The following GPM6A variants were observed in gnomAD, a reference collection of about 807,000 sequenced individuals.
GPM6A encodes the protein glycoprotein M6A.
GPM6A carries 7 observed loss-of-function variants against 32.1 expected under a neutral mutation model. The ratio of observed to expected loss-of-function variants is 0.22; its 90% CI spans 0.12 to 0.41. The LOEUF is 0.41. Among genes scored for constraint, GPM6A ranks in the 10% least tolerant of loss-of-function variants. The pLI, the probability that GPM6A is intolerant of heterozygous loss-of-function variation, is 1.00. For missense variants in GPM6A, 235 were observed against 347.2 expected (o/e 0.68, Z 2.57); for synonymous variants, 130 against 123.4 (o/e 1.05, Z -0.35).
intron 1 of GPM6A, among the ~76,000 whole-genome samples, chr4:175,726,203 G>A (rs112690307): frequency 0.021 from 3,186 of 151,064 alleles, 56 homozygotes; most frequent in Non-Finnish European, 0.032. Flanking sequence ...GTTTCACCGT[G>A]TTGGCCAGAA....
At chr4:175,784,464 A>C (rs1380200143) in intron 1 of GPM6A, among the ~76,000 whole-genome samples, 3 of 152,164 alleles carry the variant, frequency 2.0e-5, no homozygotes, top group Non-Finnish European at 1.5e-5. Context: ...TAATGTATTA[A>C]TTTTGATTAA....
At chr4:175,689,473 G>A (rs898686060) in intron 2 of GPM6A, among the ~76,000 whole-genome samples, 1 of 148,890 alleles carries the variant, frequency 6.7e-6, no homozygotes, top group Non-Finnish European at 1.5e-5. Context: ...TGAAGCTATT[G>A]TAAATGGAGT....
chr4:175,955,940 G>A (rs1739971859), intron 1 of GPM6A, among the ~76,000 whole-genome samples: 1 of 152,082 alleles, frequency 6.6e-6, no homozygotes, highest in African/African-American at 2.4e-5. Flanking sequence ...GTTAAAATTA[G>A]CTTTTGTGGA....
At position 175,880,325 on chromosome 4, in the gene GPM6A, C is replaced by A. The variant is rs961564486; in HGVS notation, c.-22-68076G>T. ...TAGTTTGAAGTCAGGTAGCGTGATG[C>A]CTCCAGCTTTGTTCTTTTGGCTTAG... On this transcript the variant is annotated intron_variant, in intron 1 of 7. Coordinates refer to the GPM6A transcript ENST00000280187. 2.0e-5 allele frequency among the ~76,000 whole-genome samples: 3 copies of A among 152,256 alleles called. No homozygotes were observed. In the South Asian group the frequency reaches 6.2e-4, roughly 32 times the overall value.
chr4:175,686,261 G>A (rs1255314868), intron 2 of GPM6A, among the ~76,000 whole-genome samples: 1 of 152,184 alleles, frequency 6.6e-6, no homozygotes, highest in East Asian at 1.9e-4. Flanking sequence ...TGGTGCAAAA[G>A]TAATTGCAGT....
chr4:175,945,775 A>ACAACTCAGTAATACGGGTGCATATTACG (rs1561005921), intron 1 of GPM6A, among the ~76,000 whole-genome samples: 20 of 25,882 alleles, frequency 7.7e-4, no homozygotes, highest in African/African-American at 1.2e-3. Context: ...TGCATATTAC[A>ACAACTCAGTAATACGGGTGCATATTACG]TACAACTCAG....
At chr4:175,843,138 T>A (rs1210155802) in intron 1 of GPM6A, among the ~76,000 whole-genome samples, 1 of 152,094 alleles carries the variant, frequency 6.6e-6, no homozygotes, top group Non-Finnish European at 1.5e-5. Context: ...AAGAGGTCTA[T>A]TGATCTATAC....
chr4:175,979,570 G>C (rs888341777), intron 1 of GPM6A, among the ~76,000 whole-genome samples: 4 of 151,962 alleles, frequency 2.6e-5, no homozygotes, highest in Admixed American at 6.6e-5. Flanking sequence ...CCTGCATGTT[G>C]TGCACATGTA....
At chr4:175,804,321 A>G (rs1734592143) in intron 1 of GPM6A, among the ~76,000 whole-genome samples, 1 of 152,212 alleles carries the variant, frequency 6.6e-6, no homozygotes, top group South Asian at 2.1e-4. Context: ...TTAACTAGAA[A>G]AATGGAGAAA....
chr4:175,859,337 A>C (rs1736505747), intron 1 of GPM6A, among the ~76,000 whole-genome samples: 1 of 152,224 alleles, frequency 6.6e-6, no homozygotes. Context: ...AAAACTTCAG[A>C]GGCTGGAGCC....
At chr4:175,675,642 C>CTTAT (rs959800633) in intron 2 of GPM6A, among the ~76,000 whole-genome samples, 10 of 151,920 alleles carry the variant, frequency 6.6e-5, no homozygotes, top group South Asian at 2.1e-4. Flanking sequence ...ATAATTTCCA[C>CTTAT]TTATTTATTT....
At chr4:175,831,109 T>C (rs1735598223) in intron 1 of GPM6A, among the ~76,000 whole-genome samples, 1 of 152,210 alleles carries the variant, frequency 6.6e-6, no homozygotes, top group African/African-American at 2.4e-5. Context: ...CAACTAGAAA[T>C]TAAAGCCAGA....
chr4:175,866,592 G>C (rs916664890), intron 1 of GPM6A, among the ~76,000 whole-genome samples: 2 of 152,118 alleles, frequency 1.3e-5, no homozygotes, highest in African/African-American at 4.8e-5. Flanking sequence ...TGCATGGCTT[G>C]ATGGTTTATT....
At chr4:175,856,937 A>C (rs1303022511) in intron 1 of GPM6A, among the ~76,000 whole-genome samples, 1 of 152,154 alleles carries the variant, frequency 6.6e-6, no homozygotes, top group Admixed American at 6.6e-5. Context: ...GCATTCGGGC[A>C]GGAAAACAGG....
intron 1 of GPM6A, among the ~76,000 whole-genome samples, chr4:175,845,862 C>T (rs906169079): frequency 6.6e-6 from 1 of 152,052 alleles, no homozygotes; most frequent in Admixed American, 6.6e-5. Context: ...GACTGTCTCT[C>T]CATTATTTGA....
chr4:175,737,573 A>T (rs1432548493), intron 1 of GPM6A, among the ~76,000 whole-genome samples: 1 of 152,210 alleles, frequency 6.6e-6, no homozygotes, highest in Admixed American at 6.5e-5. Context: ...TTACTTATTT[A>T]TAAGAACTTT....
intron 1 of GPM6A, among the ~76,000 whole-genome samples, chr4:175,882,676 G>T (rs1298212355): frequency 1.3e-5 from 2 of 151,670 alleles, no homozygotes; most frequent in Admixed American, 1.3e-4. Context: ...TATAAACCAG[G>T]TGCTATGCCA....
chr4:175,991,075 CT>C (rs36032066), intron 1 of GPM6A, among the ~76,000 whole-genome samples: 2,694 of 139,904 alleles, frequency 0.019, 45 homozygotes, highest in African/African-American at 0.046. Flanking sequence ...ATCTTTCTTT[CT>C]TTTTTTTTTT....
chr4:175,983,949 AT>A (rs1740890235), intron 1 of GPM6A, among the ~76,000 whole-genome samples: 1 of 151,710 alleles, frequency 6.6e-6, no homozygotes. Flanking sequence ...AGTTTATTTA[AT>A]GCATATAGGA....
Sources: gnomAD v4.1 joint callset for allele counts (sites outside exome capture counted in the v4.1 genomes callset) on GRCh38, gnomAD v4.1.1 for gene constraint, MANE v1.5 for transcripts, NCBI Gene and HGNC (gene_info 2026-07-23, HGNC 2026-07-21) for gene names.